The following EPHA4 variants were observed in gnomAD, a reference collection of about 807,000 sequenced individuals.
EPHA4 encodes ephrin type-A receptor 4.
Under a neutral mutation model 108.3 loss-of-function variants are expected in EPHA4, and 19 were observed. That is an observed-to-expected ratio of 0.18 (90% CI 0.12 to 0.26). The LOEUF is 0.26. Ranked by LOEUF, EPHA4 falls within the 10% of genes least tolerant of loss-of-function variation. The pLI is 1.00. For missense variants in EPHA4, 917 were observed against 1,254.0 expected (o/e 0.73, Z 4.06); for synonymous variants, 449 against 455.5 (o/e 0.99, Z 0.18).
chr2:221,566,872 A>AAGAAGAAGGAGAAGG (rs1553595907), intron 2 of EPHA4, among the ~76,000 whole-genome samples: 3 of 41,602 alleles, frequency 7.2e-5, no homozygotes, highest in South Asian at 9.8e-4. Context: ...GAAGAAGAAG[A>AAGAAGAAGGAGAAGG]AGAAGGAGAA....
intron 5 of EPHA4, among the ~76,000 whole-genome samples, chr2:221,478,168 A>G (rs2106137282): frequency 6.6e-6 from 1 of 152,176 alleles, no homozygotes; most frequent in Admixed American, 6.5e-5. Context: ...GAACGGCAAA[A>G]AACCGTTCAG....
intron 14 of EPHA4, 130 bp downstream of exon 14, chr2:221,434,012 A>T: frequency 1.2e-6 from 1 of 818,902 alleles, no homozygotes; most frequent in Non-Finnish European, 1.9e-6. Flanking sequence ...CTAGCTTGCT[A>T]GATATATCTG....
chr2:221,502,030 G>A (rs1030648635), intron 3 of EPHA4, among the ~76,000 whole-genome samples: 13 of 151,728 alleles, frequency 8.6e-5, no homozygotes, highest in Non-Finnish European at 1.6e-4. Context: ...TAGAGAACAC[G>A]GGCCATATAG....
intron 2 of EPHA4, among the ~76,000 whole-genome samples, chr2:221,568,375 C>T (rs77349110): frequency 6.6e-6 from 1 of 152,090 alleles, no homozygotes; most frequent in East Asian, 1.9e-4. Flanking sequence ...TTAACCTTGT[C>T]AGGACTTCAT....
intron 13 of EPHA4, among the ~76,000 whole-genome samples, chr2:221,435,834 A>C (rs1329048136): frequency 6.6e-6 from 1 of 152,066 alleles, no homozygotes; most frequent in East Asian, 1.9e-4. Context: ...ATACATTCTG[A>C]GATTTGGTAG....
rs930346501 is a variant in EPHA4, at chr2:221,418,221, C to G, written c.*3151G>C. On this transcript the variant is annotated 3_prime_UTR_variant, in exon 18 of 18. Transcript: ENST00000281821. ...AACAAAATAGAAAATCTATGTCTAA[C>G]TCCAGAAATCACTCAAAGTTTGGAA... The G allele has an allele frequency of 2.0e-5, 3 of 152,584 alleles. No individual in the cohort carries two copies. The highest frequency in any genetic ancestry group is 7.2e-5 in the African/African-American group (3 of 41,448). 9.5% of individuals were successfully genotyped at this position (152,584 alleles called of 1,614,324 possible).
chr2:221,572,528 G>A (rs1694880987), upstream of EPHA4: 2 of 244,354 alleles, frequency 8.2e-6, no homozygotes, highest in Non-Finnish European at 1.5e-5. Context: ...CCCCGCCCCC[G>A]CCTGCCGGAG....
At chr2:221,518,729 C>T (rs1357310386) in intron 3 of EPHA4, among the ~76,000 whole-genome samples, 1 of 152,144 alleles carries the variant, frequency 6.6e-6, no homozygotes, top group Non-Finnish European at 1.5e-5. Context: ...CTTACATTTC[C>T]CTTCAAACAG....
At chr2:221,455,706 G>A in intron 7 of EPHA4, 48 bp from the exon 8 acceptor site, 1 of 1,441,924 alleles carries the variant, frequency 6.9e-7, no homozygotes. Flanking sequence ...AGTCTTAGGA[G>A]GTAGAACTTC....
At chr2:221,453,638 T>C (rs1404877573) in intron 8 of EPHA4, among the ~76,000 whole-genome samples, 2 of 152,184 alleles carry the variant, frequency 1.3e-5, no homozygotes, top group East Asian at 1.9e-4. Flanking sequence ...TGTCTATATG[T>C]TTTTGTATGT....
Position 221,563,962 on chromosome 2 carries a change from G to C in EPHA4, c.592C>G (p.Arg198Gly), listed in dbSNP as rs756804453. ...AGTGGACACTTTTTATAGAACACAC[G>C]GACTGATACCAGGGCGATGCAGGCC... is the stretch of plus-strand genomic sequence containing the variant. Reference protein sequence around the residue: ...VGACIALVSVRVFYKKCPLTV... With the variant: ...VGACIALVSVGVFYKKCPLTV... Residue 198 changes from arginine to glycine, a missense_variant, in exon 3 of 18, where the codon CGT (arginine) becomes GGT (glycine). Coordinates refer to ENST00000281821, the MANE Select transcript of EPHA4 (RefSeq NM_004438.5). 1 of 1,614,070 alleles carries C rather than the reference G, an allele frequency of 6.2e-7. No homozygotes were observed.
At chr2:221,567,859 A>C (rs1304174582) in intron 2 of EPHA4, among the ~76,000 whole-genome samples, 1 of 152,172 alleles carries the variant, frequency 6.6e-6, no homozygotes, top group Non-Finnish European at 1.5e-5. Flanking sequence ...GCCATAAACT[A>C]TCAAGCCTGT....
intron 17 of EPHA4, among the ~76,000 whole-genome samples, chr2:221,421,417 A>G (rs1416135981): frequency 6.6e-6 from 1 of 152,248 alleles, no homozygotes; most frequent in Non-Finnish European, 1.5e-5. Flanking sequence ...TAACATGGCG[A>G]AAGAGCCATA....
intron 5 of EPHA4, among the ~76,000 whole-genome samples, chr2:221,480,903 T>C (rs1394283874): frequency 6.6e-6 from 1 of 152,332 alleles, no homozygotes; most frequent in Admixed American, 6.5e-5. Flanking sequence ...TTAGTACAGA[T>C]ATTTTACTAA....
intron 4 of EPHA4, among the ~76,000 whole-genome samples, chr2:221,492,625 G>A (rs1300403159): frequency 6.6e-6 from 1 of 152,232 alleles, no homozygotes; most frequent in African/African-American, 2.4e-5. Flanking sequence ...AAACAAAAAT[G>A]TGGTATACTC....
intron 5 of EPHA4, among the ~76,000 whole-genome samples, chr2:221,473,084 G>A (rs1559256059): frequency 1.3e-5 from 2 of 152,138 alleles, no homozygotes; most frequent in South Asian, 4.1e-4. Flanking sequence ...GGGTTCACTA[G>A]GCAAGCGACC....
intron 3 of EPHA4, among the ~76,000 whole-genome samples, chr2:221,535,259 G>C (rs910251914): frequency 1.8e-4 from 28 of 152,282 alleles, no homozygotes; most frequent in Admixed American, 1.7e-3. Flanking sequence ...TCAGATCACA[G>C]ACTCCAAACT....
At chr2:221,421,648 C>T (rs1024718758) in intron 17 of EPHA4, among the ~76,000 whole-genome samples, 1 of 152,192 alleles carries the variant, frequency 6.6e-6, no homozygotes, top group Non-Finnish European at 1.5e-5. Flanking sequence ...GTCACATAAT[C>T]AACTCAAACC....
intron 9 of EPHA4, among the ~76,000 whole-genome samples, chr2:221,444,084 T>A (rs940001482): frequency 6.6e-6 from 1 of 152,202 alleles, no homozygotes; most frequent in African/African-American, 2.4e-5. Flanking sequence ...ATTAACAAAA[T>A]TAGATTAAAC....
Sources: gnomAD v4.1 joint callset for allele counts (sites outside exome capture counted in the v4.1 genomes callset) on GRCh38, gnomAD v4.1.1 for gene constraint, MANE v1.5 for transcripts, NCBI Gene and HGNC (gene_info 2026-07-23, HGNC 2026-07-21) for gene names.